The following ADAMTS18 variants were observed in gnomAD, a reference collection of about 807,000 sequenced individuals.
The protein encoded by ADAMTS18 is A disintegrin and metalloproteinase with thrombospondin motifs 18.
Under a neutral mutation model 165.9 loss-of-function variants are expected in ADAMTS18, and 157 were observed. The observed-to-expected ratio is 0.95, with a 90% CI of 0.83 to 1.08. The LOEUF (loss-of-function observed/expected upper bound fraction) is 1.08, where lower values mean the gene tolerates loss of function less well. ADAMTS18 is among the 50% of genes least tolerant of loss of function. The pLI, the probability that ADAMTS18 is intolerant of heterozygous loss-of-function variation, is 0.00. For synonymous variants in ADAMTS18, 782 were observed against 578.2 expected, an observed-to-expected ratio of 1.35 and a Z score of -5.06; for missense variants, 2,040 against 1,534.0, an observed-to-expected ratio of 1.33 and a Z score of -5.51.
intron 16 of ADAMTS18, among the ~76,000 whole-genome samples, chr16:77,315,786 T>G (rs2055876136): frequency 6.6e-6 from 1 of 152,250 alleles, no homozygotes; most frequent in Non-Finnish European, 1.5e-5. Context: ...TATACTACTA[T>G]ACTACACTTT....
chr16:77,282,842 ATAT>A lies in ADAMTS18; in HGVS notation c.*1111_*1113del, dbSNP rs1373714831. 1 of 151,670 alleles carries A rather than the reference ATAT, an allele frequency of 6.6e-6. No homozygotes were observed. Among genetic ancestry groups the A allele is most frequent in the Non-Finnish European group, 1.5e-5 (1 of 67,906 alleles). 9.4% of individuals were successfully genotyped at this position (151,670 alleles called of 1,614,324 possible). A position where few individuals can be genotyped will look rare whatever the true frequency, so the allele number is the denominator to read the frequency against. ...GGTCTTGTCATATTATGATTTATTA[ATAT>A]TAACATAGCAAGAAGACAGATGGAT... On this transcript the variant is annotated 3_prime_UTR_variant, in exon 23 of 23. Coordinates refer to ENST00000282849, the MANE Select transcript of ADAMTS18 (RefSeq NM_199355.4).
At chr16:77,364,749 GA>G (rs2056768024) in intron 4 of ADAMTS18, among the ~76,000 whole-genome samples, 2 of 143,944 alleles carry the variant, frequency 1.4e-5, no homozygotes, top group African/African-American at 2.8e-5. Flanking sequence ...AGAAAGAAAA[GA>G]AAAGAAGAAA....
intron 3 of ADAMTS18, among the ~76,000 whole-genome samples, chr16:77,410,475 A>G (rs2057447540): frequency 6.6e-6 from 1 of 152,156 alleles, no homozygotes; most frequent in Non-Finnish European, 1.5e-5. Context: ...ATTTTTATCA[A>G]GCACTCCAAA....
intron 12 of ADAMTS18, among the ~76,000 whole-genome samples, chr16:77,330,990 A>T (rs1408180504): frequency 6.6e-6 from 1 of 152,228 alleles, no homozygotes; most frequent in Non-Finnish European, 1.5e-5. Context: ...CAATTAATTC[A>T]GTTGTCTTGG....
At chr16:77,324,232 C>T (rs945804345) in intron 13 of ADAMTS18, among the ~76,000 whole-genome samples, 5 of 152,240 alleles carry the variant, frequency 3.3e-5, no homozygotes, top group African/African-American at 7.2e-5. Flanking sequence ...AAGCATGGGA[C>T]CTCAAGAGTA....
At chr16:77,300,851 C>T (rs2033252) in intron 16 of ADAMTS18, among the ~76,000 whole-genome samples, 143,609 of 152,234 alleles carry the variant, frequency 0.94, 68,117 homozygotes, top group Non-Finnish European at 0.99. Flanking sequence ...ATGATCTATC[C>T]TAGGTCACAA....
intron 3 of ADAMTS18, among the ~76,000 whole-genome samples, chr16:77,424,855 G>C (rs1260108141): frequency 1.3e-5 from 2 of 152,076 alleles, no homozygotes; most frequent in African/African-American, 2.4e-5. Context: ...AAGCTCCAAG[G>C]GGGTGTATGT....
intron 10 of ADAMTS18, among the ~76,000 whole-genome samples, chr16:77,349,524 T>TAAAAAAAAAA (rs767997537): frequency 1.4e-5 from 1 of 71,518 alleles, no homozygotes; most frequent in African/African-American, 5.9e-5. Context: ...TCATCTTATG[T>TAAAAAAAAAA]AAAAAAAAAA....
chr16:77,377,339 G>T (rs1231787529), intron 3 of ADAMTS18, among the ~76,000 whole-genome samples: 1 of 152,194 alleles, frequency 6.6e-6, no homozygotes, highest in Middle Eastern at 3.2e-3. Context: ...AGTGTGAAGA[G>T]CTTTAAAGAT....
At chr16:77,320,514 C>A (rs1597118325) in intron 15 of ADAMTS18, among the ~76,000 whole-genome samples, 1 of 152,056 alleles carries the variant, frequency 6.6e-6, no homozygotes, top group Non-Finnish European at 1.5e-5. Context: ...TGGCAGGTGC[C>A]TGTAATCCCA....
chr16:77,315,611 C>A (rs904798438), intron 16 of ADAMTS18, among the ~76,000 whole-genome samples: 1 of 152,118 alleles, frequency 6.6e-6, no homozygotes. Context: ...AGCACAAGCA[C>A]GCCTCTCCGT....
chr16:77,341,220 G>T (rs1006041171), intron 11 of ADAMTS18, among the ~76,000 whole-genome samples: 1 of 152,206 alleles, frequency 6.6e-6, no homozygotes, highest in Admixed American at 6.5e-5. Context: ...CACACTAGGT[G>T]GAGGCGTCTC....
chr16:77,291,057 G>GATAATGATTT (rs2055352741), intron 21 of ADAMTS18: 1 of 545,888 alleles, frequency 1.8e-6, no homozygotes, highest in Admixed American at 3.6e-5. Flanking sequence ...AACTCTCCCA[G>GATAATGATTT]ATAATGATTT....
intron 12 of ADAMTS18, among the ~76,000 whole-genome samples, chr16:77,329,877 T>A (rs183336337): frequency 1.3e-5 from 2 of 152,306 alleles, no homozygotes; most frequent in East Asian, 3.9e-4. Flanking sequence ...CATGATTTTG[T>A]CCTTATATTA....
intron 3 of ADAMTS18, among the ~76,000 whole-genome samples, chr16:77,392,923 G>A (rs2057208474): frequency 1.3e-5 from 2 of 152,134 alleles, no homozygotes; most frequent in Admixed American, 6.6e-5. Context: ...TGGGCTGGCA[G>A]AGGGAACTTT....
At position 77,345,764 on chromosome 16, in the gene ADAMTS18, T is replaced by G. The variant is rs143462779; in HGVS notation, c.1615-3965A>C. On this transcript the variant is annotated intron_variant, in intron 10 of 22. Transcript: ENST00000282849. Reference sequence around the variant, plus strand: ...TACCATATTGGATAACAGAGAACATTTGCATCATTATGGAGAGTTCTGCTG... The same window carrying G: ...TACCATATTGGATAACAGAGAACATGTGCATCATTATGGAGAGTTCTGCTG... Among the ~76,000 whole-genome samples, 29 of 152,312 alleles carry G rather than the reference T, an allele frequency of 1.9e-4. No individual in the cohort carries two copies. In the East Asian group the frequency reaches 5.4e-3, roughly 28 times the overall value.
At chr16:77,375,496 T>C (rs1042680222) in intron 3 of ADAMTS18, among the ~76,000 whole-genome samples, 4 of 152,198 alleles carry the variant, frequency 2.6e-5, no homozygotes, top group Non-Finnish European at 5.9e-5. Context: ...AACACTTTTC[T>C]GAGGAGGCAT....
Position 77,319,945 on chromosome 16 carries a change from G to C in ADAMTS18, c.2436C>G (p.Phe812Leu). 3.1e-6 allele frequency: 5 copies of C among 1,614,200 alleles called. No homozygotes were observed. The highest frequency in any genetic ancestry group is 4.2e-6 in the Non-Finnish European group (5 of 1,180,022). Reference protein sequence around the residue: ...GGWSIDWPGEFPFAGTTFEYQ... With the variant: ...GGWSIDWPGELPFAGTTFEYQ... ...ATTCAAACGTGGTCCCAGCGAAGGG[G>C]AACTCCCCAGGCCAGTCGATGCTCC... Residue 812 changes from phenylalanine to leucine, a missense_variant, in exon 16 of 23, where the codon TTC becomes TTG. Phe to Leu is a conservative substitution (Grantham distance 22). Transcript: ENST00000282849.
intron 3 of ADAMTS18, among the ~76,000 whole-genome samples, chr16:77,396,541 A>T (rs1036018162): frequency 6.6e-6 from 1 of 152,238 alleles, no homozygotes; most frequent in Non-Finnish European, 1.5e-5. Flanking sequence ...TTTTAGACCA[A>T]AACTACAGGA....
Sources: allele counts gnomAD v4.1 joint callset (sites outside exome capture counted in the v4.1 genomes callset), GRCh38; gene constraint gnomAD v4.1.1; transcripts MANE v1.5; gene names NCBI Gene and HGNC (gene_info 2026-07-23, HGNC 2026-07-21).